The following RAD54L2 variants were observed in gnomAD, a reference collection of about 807,000 sequenced individuals.
RAD54L2 encodes RAD54 like 2, also known as helicase ARIP4.
In RAD54L2, 27 loss-of-function variants were observed where a neutral mutation model predicts 138.4. The ratio of observed to expected loss-of-function variants is 0.20; its 90% CI spans 0.14 to 0.27. RAD54L2 has a LOEUF of 0.27. RAD54L2 is among the 10% of genes least tolerant of loss of function. The pLI, the probability that RAD54L2 is intolerant of heterozygous loss-of-function variation, is 1.00. For synonymous variants in RAD54L2, 644 were observed against 723.2 expected, an observed-to-expected ratio of 0.89 and a Z score of 1.76; for missense variants, 1,396 against 1,890.2, an observed-to-expected ratio of 0.74 and a Z score of 4.85.
At chr3:51,650,120 A>AT (rs1270191636) in intron 19 of RAD54L2, among the ~76,000 whole-genome samples, 1 of 152,166 alleles carries the variant, frequency 6.6e-6, no homozygotes, top group Non-Finnish European at 1.5e-5. Context: ...AGTAAAAAAA[A>AT]GCAGAGGTTG....
In RAD54L2 at chr3:51,649,431, C is replaced by A. The variant is rs150918248; in HGVS notation, c.3026+2950C>A. ...AGCAAGGCAGGCCAACATTCAAATT[C>A]AGGAAATACAGAGAACACCACAAAG... On this transcript the variant is annotated intron_variant, in intron 19 of 22. Coordinates refer to ENST00000684192, the MANE Select transcript of RAD54L2 (RefSeq NM_015106.4). 4.9e-3 allele frequency among the ~76,000 whole-genome samples: 750 copies of A among 152,222 alleles called. 4 individuals carry two copies. Among genetic ancestry groups the A allele is most frequent in the Non-Finnish European group, 7.8e-3 (532 of 68,008 alleles).
At chr3:51,571,383 A>G (rs987728933) in intron 2 of RAD54L2, among the ~76,000 whole-genome samples, 11 of 129,780 alleles carry the variant, frequency 8.5e-5, no homozygotes, top group African/African-American at 2.9e-4. Context: ...TCTGTGGAAT[A>G]CCTGCTTTTT....
At chr3:51,592,888 C>T (rs1699869634) in intron 3 of RAD54L2, among the ~76,000 whole-genome samples, 1 of 152,168 alleles carries the variant, frequency 6.6e-6, no homozygotes, top group Non-Finnish European at 1.5e-5. Flanking sequence ...TTTTCTTTTC[C>T]TCTCATGTTG....
At chr3:51,615,596 C>T (rs1329908660) in intron 3 of RAD54L2, among the ~76,000 whole-genome samples, 1 of 152,142 alleles carries the variant, frequency 6.6e-6, no homozygotes, top group East Asian at 1.9e-4. Context: ...ATGAGATGGA[C>T]ATAATCCCTG....
At chr3:51,540,205 C>T (rs1490418119) in intron 1 of RAD54L2, among the ~76,000 whole-genome samples, 1 of 152,178 alleles carries the variant, frequency 6.6e-6, no homozygotes, top group Non-Finnish European at 1.5e-5. Flanking sequence ...GTGTGCAACA[C>T]TAAAGAAGGA....
chr3:51,626,549 A>G (rs571549680), intron 3 of RAD54L2, among the ~76,000 whole-genome samples: 15 of 142,170 alleles, frequency 1.1e-4, no homozygotes, highest in African/African-American at 4.0e-4. Flanking sequence ...GGTTCAATTG[A>G]TGCTCCTGCC....
intron 2 of RAD54L2, among the ~76,000 whole-genome samples, chr3:51,575,507 G>A (rs1407819193): frequency 1.3e-5 from 2 of 152,062 alleles, no homozygotes; most frequent in Admixed American, 1.3e-4. Flanking sequence ...ATTTGTTTGT[G>A]TCCTCTTATA....
At chr3:51,644,898 C>T in intron 16 of RAD54L2, 126 bp from the exon 17 acceptor site, 1 of 923,368 alleles carries the variant, frequency 1.1e-6, no homozygotes, top group Admixed American at 2.2e-5. Flanking sequence ...CAGCAAAATC[C>T]TTGAGTATGT....
chr3:51,589,683 T>C (rs59931892), intron 2 of RAD54L2, among the ~76,000 whole-genome samples: 6,006 of 144,632 alleles, frequency 0.042, 177 homozygotes, highest in African/African-American at 0.09. Context: ...TATATATATA[T>C]ACACACACAC....
intron 2 of RAD54L2, among the ~76,000 whole-genome samples, chr3:51,572,207 G>C (rs1181080704): frequency 6.6e-5 from 10 of 152,152 alleles, no homozygotes. Context: ...TAAGCACTTT[G>C]GGAGGCCGAG....
chr3:51,648,258 T>C (rs1438069101), intron 19 of RAD54L2, among the ~76,000 whole-genome samples: 1 of 152,186 alleles, frequency 6.6e-6, no homozygotes, highest in Non-Finnish European at 1.5e-5. Flanking sequence ...GTGTCTGCCA[T>C]TGCTGAGGCT....
chr3:51,607,056 A>T (rs1393943818), intron 3 of RAD54L2, among the ~76,000 whole-genome samples: 3 of 131,636 alleles, frequency 2.3e-5, no homozygotes, highest in East Asian at 2.2e-4. Flanking sequence ...CTTTTTTTGG[A>T]TTTCTCTTTT....
intron 3 of RAD54L2, among the ~76,000 whole-genome samples, 193 bp downstream of exon 3, chr3:51,590,752 T>G (rs995684906): frequency 6.6e-6 from 1 of 152,178 alleles, no homozygotes; most frequent in African/African-American, 2.4e-5. Flanking sequence ...CACATAAGCT[T>G]TGTTTTACTG....
At chr3:51,624,259 G>T (rs1411924961) in intron 3 of RAD54L2, among the ~76,000 whole-genome samples, 10 of 145,992 alleles carry the variant, frequency 6.8e-5, no homozygotes, top group Admixed American at 2.8e-4. Context: ...TTTAGACAGG[G>T]TCTTGCTCTG....
At chr3:51,539,210 G>A (rs1698489740) in intron 1 of RAD54L2, among the ~76,000 whole-genome samples, 1 of 152,178 alleles carries the variant, frequency 6.6e-6, no homozygotes, top group African/African-American at 2.4e-5. Flanking sequence ...TTGCCCCTCT[G>A]CGCTTTTGGC....
intron 19 of RAD54L2, among the ~76,000 whole-genome samples, chr3:51,650,850 A>G (rs567275617): frequency 8.5e-4 from 130 of 152,302 alleles, no homozygotes; most frequent in African/African-American, 3.0e-3. Context: ...ATCTAAAATC[A>G]ACACCCTAAC....
intron 2 of RAD54L2, among the ~76,000 whole-genome samples, chr3:51,554,364 C>CAA (rs763034796): frequency 2.6e-5 from 3 of 117,268 alleles, no homozygotes; most frequent in South Asian, 2.7e-4. Context: ...GAGACTCTTT[C>CAA]AAAAAAAAAA....
chr3:51,576,424 A>G (rs954027251), intron 2 of RAD54L2, among the ~76,000 whole-genome samples: 7 of 152,146 alleles, frequency 4.6e-5, no homozygotes, highest in Admixed American at 2.0e-4. Flanking sequence ...AAGGAATGGT[A>G]CCAGCTCCTC....
intron 1 of RAD54L2, chr3:51,541,294 TTGAC>T (rs1553671273): frequency 6.6e-6 from 1 of 152,180 alleles, no homozygotes; most frequent in African/African-American, 2.4e-5. Flanking sequence ...TGTATTAATT[TTGAC>T]TGGTGACAGT....
Sources: gnomAD v4.1 joint callset for allele counts (sites outside exome capture counted in the v4.1 genomes callset) on GRCh38, gnomAD v4.1.1 for gene constraint, MANE v1.5 for transcripts, NCBI Gene and HGNC (gene_info 2026-07-23, HGNC 2026-07-21) for gene names.